Variants in AGBL4 observed in about 807,000 individuals in gnomAD.
AGBL4 encodes the protein AGBL carboxypeptidase 4.
AGBL4 carries 58 observed loss-of-function variants against 66.4 expected under a neutral mutation model. That is an observed-to-expected ratio of 0.87 (90% CI 0.71 to 1.09). AGBL4 has a LOEUF of 1.09. Among genes scored for constraint, AGBL4 ranks in the 50% least tolerant of loss-of-function variants. The pLI, the probability that AGBL4 is intolerant of heterozygous loss-of-function variation, is 0.00. For missense variants in AGBL4, 579 were observed against 631.0 expected, an observed-to-expected ratio of 0.92 and a Z score of 0.88; for synonymous variants, 234 against 222.9, an observed-to-expected ratio of 1.05 and a Z score of -0.44.
chr1:49,815,237 A>G (rs1202591302), intron 2 of AGBL4, among the ~76,000 whole-genome samples: 1 of 152,078 alleles, frequency 6.6e-6, no homozygotes, highest in Non-Finnish European at 1.5e-5. Flanking sequence ...AATTACTTTG[A>G]TTTTTAGATC....
At chr1:49,085,487 TA>T (rs1452731164) in intron 4 of AGBL4, among the ~76,000 whole-genome samples, 3 of 151,866 alleles carry the variant, frequency 2.0e-5, no homozygotes, top group African/African-American at 7.3e-5. Context: ...CCAATTACTA[TA>T]AAAATATCTA....
At chr1:49,190,114 T>C (rs983796078) in intron 4 of AGBL4, among the ~76,000 whole-genome samples, 2 of 152,198 alleles carry the variant, frequency 1.3e-5, no homozygotes, top group Non-Finnish European at 2.9e-5. Flanking sequence ...AGGAAGGGTT[T>C]TCAGAGGCAA....
chr1:48,840,296 G>A (rs1052291661), intron 6 of AGBL4, among the ~76,000 whole-genome samples: 6 of 152,006 alleles, frequency 3.9e-5, no homozygotes, highest in African/African-American at 9.7e-5. Context: ...CTGTGTGCCC[G>A]GTGCCTGACA....
intron 4 of AGBL4, among the ~76,000 whole-genome samples, chr1:49,232,448 C>A (rs558831886): frequency 6.6e-6 from 1 of 152,146 alleles, no homozygotes; most frequent in Admixed American, 6.5e-5. Flanking sequence ...CCTGTAATCC[C>A]AGCACTTTGG....
downstream of AGBL4, among the ~76,000 whole-genome samples, chr1:48,529,745 G>A (rs749303821): frequency 6.6e-6 from 1 of 152,142 alleles, no homozygotes; most frequent in Non-Finnish European, 1.5e-5. Flanking sequence ...TAGGGAACCA[G>A]AGCTAGATTA....
In AGBL4 at chr1:49,611,374, C is replaced by CTT. The variant is rs35960918; in HGVS notation, c.282+85937_282+85938dup. Among the ~76,000 whole-genome samples the CTT allele has an allele frequency of 4.4e-3, 514 of 117,836 alleles. 7 individuals are homozygous for CTT. The highest frequency in any genetic ancestry group is 6.7e-3 in the Non-Finnish European group (387 of 57,898). The allele number at this position is 117,836 out of a possible 152,430, so 77.3% of individuals were successfully genotyped here. Reference sequence around the variant, plus strand: ...TGGATATTTAGGTATCAACCATATTCTTTTTTTTTTTTTTTTTTTTGAGAT... The same window carrying CTT: ...TGGATATTTAGGTATCAACCATATTCTTTTTTTTTTTTTTTTTTTTTTGAGAT... On this transcript the variant is annotated intron_variant, in intron 3 of 13. Transcript: ENST00000371839.
chr1:49,566,791 G>T, intron 3 of AGBL4, among the ~76,000 whole-genome samples: 1 of 144,364 alleles, frequency 6.9e-6, no homozygotes, highest in Non-Finnish European at 1.6e-5. Flanking sequence ...ATCTCAAGCT[G>T]CGTGCTGGGA....
At chr1:49,344,263 T>C (rs1645595539) in intron 3 of AGBL4, among the ~76,000 whole-genome samples, 1 of 152,086 alleles carries the variant, frequency 6.6e-6, no homozygotes, top group Non-Finnish European at 1.5e-5. Context: ...TATACATATG[T>C]AACTAACCTG....
intron 3 of AGBL4, among the ~76,000 whole-genome samples, chr1:49,247,314 C>G (rs1039341899): frequency 5.3e-5 from 8 of 152,022 alleles, no homozygotes; most frequent in Non-Finnish European, 7.4e-5. Flanking sequence ...ATGCTTTGTT[C>G]CATGAAATAA....
chr1:49,729,823 G>A (rs1033831407), intron 2 of AGBL4, among the ~76,000 whole-genome samples: 2 of 152,154 alleles, frequency 1.3e-5, no homozygotes, highest in East Asian at 1.9e-4. Flanking sequence ...AGCAGCAAGA[G>A]ACAGACAGCA....
chr1:49,881,154 C>A (rs994529665), intron 1 of AGBL4, among the ~76,000 whole-genome samples: 2 of 152,264 alleles, frequency 1.3e-5, no homozygotes, highest in East Asian at 1.9e-4. Flanking sequence ...TAGACCAGAG[C>A]TGTTCCTATT....
chr1:49,008,157 G>T (rs1038046555), intron 5 of AGBL4, among the ~76,000 whole-genome samples: 44 of 151,724 alleles, frequency 2.9e-4, no homozygotes, highest in Non-Finnish European at 4.7e-4. Flanking sequence ...ACACACATAG[G>T]CTCAAAATAA....
At chr1:48,697,850 GCTAACTTC>G (rs1646737262) in intron 6 of AGBL4, among the ~76,000 whole-genome samples, 1 of 152,200 alleles carries the variant, frequency 6.6e-6, no homozygotes, top group Non-Finnish European at 1.5e-5. Context: ...GATGCAAGAG[GCTAACTTC>G]CTGGTGGTTT....
intron 5 of AGBL4, 28 bp from the exon 6 acceptor site, chr1:48,867,258 AC>A: frequency 6.2e-7 from 1 of 1,612,520 alleles, no homozygotes; most frequent in Non-Finnish European, 8.5e-7. Flanking sequence ...CTGTGAGGGC[AC>A]TGATTTGAGC....
chr1:48,726,082 C>T (rs1042241422), intron 6 of AGBL4, among the ~76,000 whole-genome samples: 5 of 152,274 alleles, frequency 3.3e-5, no homozygotes, highest in Admixed American at 6.5e-5. Flanking sequence ...TTGGAAGTGG[C>T]GAATCCAGGA....
chr1:49,080,006 TA>T (rs1644780784), intron 4 of AGBL4, among the ~76,000 whole-genome samples: 1 of 152,194 alleles, frequency 6.6e-6, no homozygotes, highest in Non-Finnish European at 1.5e-5. Flanking sequence ...TGTATGCCAG[TA>T]ACTGTGTTAA....
At chr1:49,828,030 C>T (rs1298992251) in intron 2 of AGBL4, among the ~76,000 whole-genome samples, 1 of 151,832 alleles carries the variant, frequency 6.6e-6, no homozygotes, top group Non-Finnish European at 1.5e-5. Context: ...ATAATATGTG[C>T]ATAATTGCAT....
At chr1:49,194,993 T>A (rs1481450830) in intron 4 of AGBL4, among the ~76,000 whole-genome samples, 1 of 152,048 alleles carries the variant, frequency 6.6e-6, no homozygotes, top group Non-Finnish European at 1.5e-5. Context: ...TATACCACCA[T>A]AACTGGCTAA....
At position 49,500,924 on chromosome 1, in the gene AGBL4, T is replaced by C. The variant is rs1021602506; in HGVS notation, c.282+196389A>G. ...TCTAGTTCTGTAAAAATGATGATGG[T>C]ATTTTGATGAAAGGTGCACTGAATT... is the stretch of plus-strand genomic sequence containing the variant. On this transcript the variant is annotated intron_variant, in intron 3 of 13. Coordinates refer to ENST00000371839, the MANE Select transcript of AGBL4 (RefSeq NM_032785.4). Among the ~76,000 whole-genome samples the C allele has an allele frequency of 4.6e-5, 7 of 152,176 alleles. No homozygotes were observed. In the East Asian group the frequency reaches 1.4e-3, roughly 29 times the overall value.
Sources: gnomAD v4.1 joint callset for allele counts (sites outside exome capture counted in the v4.1 genomes callset) on GRCh38, gnomAD v4.1.1 for gene constraint, MANE v1.5 for transcripts, NCBI Gene and HGNC (gene_info 2026-07-23, HGNC 2026-07-21) for gene names.